Variants in DDX60 observed in about 807,000 individuals in gnomAD.
DDX60 encodes the protein DExD/H-box helicase 60, also known as probable ATP-dependent RNA helicase DDX60.
A neutral mutation model predicts 212.8 loss-of-function variants in DDX60; 165 were observed. The ratio of observed to expected loss-of-function variants is 0.78; its 90% CI spans 0.68 to 0.88. DDX60 has a LOEUF of 0.88. Among genes scored for constraint, DDX60 ranks in the 40% least tolerant of loss-of-function variants. The pLI, the probability that DDX60 is intolerant of heterozygous loss-of-function variation, is 0.00. For missense variants in DDX60, 1,905 were observed against 2,003.9 expected (o/e 0.95, Z 0.94); for synonymous variants, 703 against 685.3 (o/e 1.03, Z -0.40).
intron 1 of DDX60, among the ~76,000 whole-genome samples, chr4:168,317,058 A>G (rs1007500262): frequency 1.6e-5 from 2 of 125,180 alleles, no homozygotes; most frequent in Admixed American, 9.1e-5. Flanking sequence ...ACTCCGTCTC[A>G]AAAAAAAAAA....
At chr4:168,224,427 G>A (rs957698915) in intron 34 of DDX60, 42 bp from the exon 35 acceptor site, 10 of 1,584,080 alleles carry the variant, frequency 6.3e-6, no homozygotes, top group Admixed American at 1.7e-5. Flanking sequence ...TTTGAACTCA[G>A]TCAAATTGTC....
At chr4:168,291,466 A>T (rs1736097286) in intron 8 of DDX60, among the ~76,000 whole-genome samples, 1 of 152,220 alleles carries the variant, frequency 6.6e-6, no homozygotes. Context: ...AGTGATCACC[A>T]ACCATCAACT....
rs138769640 is a variant in DDX60 at position 168,280,797 on chromosome 4, T to C, written c.1723-207A>G. The stretch of plus-strand genomic sequence containing the variant: ...AATTTAATTTAGGGAGTGTAAAGGC[T>C]CTCTGTAGATAATTTTCTAGATTTC... On this transcript the variant is annotated intron_variant, in intron 13 of 37. Coordinates refer to ENST00000393743, the MANE Select transcript of DDX60 (RefSeq NM_017631.6). Among the ~76,000 whole-genome samples, 851 of 152,306 alleles carry C rather than the reference T, an allele frequency of 5.6e-3. 8 individuals carry two copies. Among genetic ancestry groups the C allele is most frequent in the African/African-American group, 0.019 (807 of 41,566 alleles).
chr4:168,235,270 T>C (rs1289782545), intron 33 of DDX60, among the ~76,000 whole-genome samples: 1 of 151,960 alleles, frequency 6.6e-6, no homozygotes, highest in African/African-American at 2.4e-5. Flanking sequence ...CCTCCCAAAG[T>C]AGTGGGATTA....
intron 1 of DDX60, among the ~76,000 whole-genome samples, chr4:168,316,542 T>G (rs1480181117): frequency 6.6e-6 from 1 of 152,124 alleles, no homozygotes; most frequent in Non-Finnish European, 1.5e-5. Context: ...AAATAATGGT[T>G]TATGGAATCA....
At chr4:168,243,186 T>C (rs1046469134) in intron 30 of DDX60, among the ~76,000 whole-genome samples, 4 of 152,158 alleles carry the variant, frequency 2.6e-5, no homozygotes, top group Admixed American at 6.6e-5. Context: ...CTTGGGTATG[T>C]CTTTATCAGC....
chr4:168,234,227 A>G (rs1421350592), intron 33 of DDX60, among the ~76,000 whole-genome samples: 1 of 152,084 alleles, frequency 6.6e-6, no homozygotes, highest in Non-Finnish European at 1.5e-5. Flanking sequence ...TACGGTTTTA[A>G]AACTATGGTG....
chr4:168,257,478 T>C (rs1734461820), intron 25 of DDX60, among the ~76,000 whole-genome samples: 1 of 152,180 alleles, frequency 6.6e-6, no homozygotes, highest in African/African-American at 2.4e-5. Flanking sequence ...GAGCCCACAG[T>C]TTATATGTGG....
rs371200444 is a variant in DDX60 at position 168,237,760 on chromosome 4, G to A, written c.4200C>T (p.Phe1400=). ...LSVLKHSLLS[F]KQPRVMDMLK... Reference sequence around the variant, plus strand: ...ACATGTCCATGACTCTGGGTTGCTTGAAGGACAGCAATGAATGCTTTAGCA... The same window carrying A: ...ACATGTCCATGACTCTGGGTTGCTTAAAGGACAGCAATGAATGCTTTAGCA... Residue 1400 remains phenylalanine (F), a synonymous_variant, in exon 31 of 38, where the codon TTC becomes TTT. Transcript: ENST00000393743. 1.2e-4 allele frequency: 191 copies of A among 1,611,678 alleles called. No homozygotes were observed. Among genetic ancestry groups the A allele is most frequent in the Non-Finnish European group, 1.5e-4 (181 of 1,178,844 alleles).
intron 28 of DDX60, among the ~76,000 whole-genome samples, chr4:168,248,617 C>T (rs1734103494): frequency 3.3e-5 from 5 of 152,200 alleles, no homozygotes; most frequent in Non-Finnish European, 7.3e-5. Context: ...ATCTCTGTCT[C>T]ACATGATTTA....
At chr4:168,295,022 A>G (rs1162737464) in intron 6 of DDX60, among the ~76,000 whole-genome samples, 2 of 152,208 alleles carry the variant, frequency 1.3e-5, no homozygotes, top group Non-Finnish European at 2.9e-5. Flanking sequence ...AATTAAAACT[A>G]CAATGAGATA....
At chr4:168,257,396 C>T (rs1211035231) in intron 25 of DDX60, among the ~76,000 whole-genome samples, 1 of 152,020 alleles carries the variant, frequency 6.6e-6, no homozygotes, top group Non-Finnish European at 1.5e-5. Context: ...CACAACAATC[C>T]TATGAAGAAG....
At chr4:168,276,609 C>A (rs1735353440) in intron 14 of DDX60, among the ~76,000 whole-genome samples, 1 of 152,200 alleles carries the variant, frequency 6.6e-6, no homozygotes, top group South Asian at 2.1e-4. Flanking sequence ...TTGGTGTACT[C>A]ATTGGAGCCC....
intron 25 of DDX60, among the ~76,000 whole-genome samples, chr4:168,256,280 T>C (rs72693136): frequency 0.038 from 5,839 of 152,064 alleles, 148 homozygotes; most frequent in Non-Finnish European, 0.055. Flanking sequence ...CACCCTTCTC[T>C]AAAAATGAGA....
At chr4:168,283,101 C>T (rs1242709603) in intron 13 of DDX60, among the ~76,000 whole-genome samples, 1 of 152,106 alleles carries the variant, frequency 6.6e-6, no homozygotes, top group Admixed American at 6.6e-5. Context: ...ATAAACATTT[C>T]ATATCCATTT....
At position 168,302,340 on chromosome 4, in the gene DDX60, G is replaced by T. The variant is rs925088901; in HGVS notation, c.683C>A (p.Pro228His). ...LERFKLSALAPLFGSLKWNNI... is the reference protein window; with the variant it reads ...LERFKLSALAHLFGSLKWNNI... ...ATTCCATTTTAAACTTCCAAAAAGA[G>T]GTGCTAATGCTGAAAGCTTAAATCT... The change falls in exon 6 of 38, where the codon CCT becomes CAT. Residue 228 changes from proline (P) to histidine (H), a missense_variant. Physicochemically the swap from Pro to His is moderately conservative, Grantham distance 77. Coordinates refer to ENST00000393743, the MANE Select transcript of DDX60 (RefSeq NM_017631.6). The T allele has an allele frequency of 1.3e-6, 2 of 1,584,628 alleles. No homozygotes were observed. Among genetic ancestry groups the T allele is most frequent in the Non-Finnish European group, 1.7e-6 (2 of 1,164,742 alleles).
chr4:168,275,912 TAAAA>T lies in DDX60; in HGVS notation c.2145+99_2145+102del, dbSNP rs200207610. 1,000 of 928,466 alleles carry T rather than the reference TAAAA, an allele frequency of 1.1e-3. No homozygotes were observed. The East Asian group carries it at 0.013, about 12-fold the overall frequency. 57.5% of individuals were successfully genotyped at this position (928,466 alleles called of 1,614,324 possible). On this transcript the variant is annotated intron_variant, in intron 15 of 37. Transcript: ENST00000393743. Reference sequence around the variant, plus strand: ...TTACTACTAATAATAGTATTTTCAGTAAAAAAAAAAAAAAAATCTGGAAGAGATG... The same window carrying T: ...TTACTACTAATAATAGTATTTTCAGTAAAAAAAAAAAATCTGGAAGAGATG...
intron 29 of DDX60, 29 bp downstream of exon 29, chr4:168,248,159 A>T (rs774715181): frequency 1.3e-6 from 2 of 1,489,176 alleles, no homozygotes; most frequent in Non-Finnish European, 1.8e-6. Flanking sequence ...TCAGCAATAC[A>T]ATAAGCAAGT....
chr4:168,227,284 TCAG>T (rs560754805), intron 33 of DDX60, among the ~76,000 whole-genome samples: 34 of 151,818 alleles, frequency 2.2e-4, no homozygotes, highest in Non-Finnish European at 4.0e-4. Context: ...TCTTCCTTGC[TCAG>T]TTTTGGAAAG....
Sources: allele counts gnomAD v4.1 joint callset (sites outside exome capture counted in the v4.1 genomes callset), GRCh38; gene constraint gnomAD v4.1.1; transcripts MANE v1.5; gene names NCBI Gene and HGNC (gene_info 2026-07-23, HGNC 2026-07-21).